PPP4R3B: variants seen among roughly 807,000 people sequenced by gnomAD.
The protein encoded by PPP4R3B is serine/threonine-protein phosphatase 4 regulatory subunit 3B.
In PPP4R3B, 52 loss-of-function variants were observed where a neutral mutation model predicts 95.4. The observed-to-expected ratio is 0.54, with a 90% CI of 0.44 to 0.69. The LOEUF (loss-of-function observed/expected upper bound fraction) is 0.69, where lower values mean the gene tolerates loss of function less well. Ranked by LOEUF, PPP4R3B falls within the 30% of genes least tolerant of loss-of-function variation. The probability of loss-of-function intolerance (pLI) is 0.00; values close to 1 mark genes in which losing one functional copy is unlikely to be tolerated. For synonymous variants in PPP4R3B, 407 were observed against 343.9 expected (o/e 1.18, Z -2.03); for missense variants, 1,003 against 1,005.9 (o/e 1.00, Z 0.04).
At chr2:55,593,928 A>G (rs1051825618) in intron 4 of PPP4R3B, among the ~76,000 whole-genome samples, 1 of 152,206 alleles carries the variant, frequency 6.6e-6, no homozygotes, top group Admixed American at 6.5e-5. Context: ...CTACCAACAG[A>G]TGATCAGACA....
At chr2:55,605,430 A>G (rs1158790529) in intron 2 of PPP4R3B, among the ~76,000 whole-genome samples, 2 of 152,214 alleles carry the variant, frequency 1.3e-5, no homozygotes, top group Non-Finnish European at 2.9e-5. Context: ...TTTTGGCTTT[A>G]AACAGTAAAT....
At chr2:55,602,309 G>A (rs1205038045) in intron 3 of PPP4R3B, among the ~76,000 whole-genome samples, 1 of 152,182 alleles carries the variant, frequency 6.6e-6, no homozygotes, top group Non-Finnish European at 1.5e-5. Flanking sequence ...GATCATTTTG[G>A]TGTAAGAGAG....
At chr2:55,591,541 C>T (rs1691027813) in intron 4 of PPP4R3B, 4 of 983,922 alleles carry the variant, frequency 4.1e-6, no homozygotes, top group South Asian at 9.4e-5. Flanking sequence ...TATTTTCCTG[C>T]ATCTGTTGTA....
chr2:55,589,969 T>A (rs1350814681), intron 4 of PPP4R3B, among the ~76,000 whole-genome samples: 2 of 143,336 alleles, frequency 1.4e-5, no homozygotes, highest in African/African-American at 5.1e-5. Context: ...ATATATATAT[T>A]TATATATATA....
intron 2 of PPP4R3B, among the ~76,000 whole-genome samples, chr2:55,605,628 C>G (rs887177583): frequency 1.5e-4 from 23 of 152,102 alleles, no homozygotes; most frequent in African/African-American, 5.3e-4. Context: ...TCAGTTCTGG[C>G]CAGGTGCGAA....
rs1304201663 is a variant in PPP4R3B at position 55,563,136 on chromosome 2, G to A, written c.2260+1177C>T. 6.8e-4 allele frequency among the ~76,000 whole-genome samples: 104 copies of A among 152,158 alleles called. 1 individual carries two copies. The highest frequency in any genetic ancestry group is 1.2e-4 in the Non-Finnish European group (8 of 68,022). On this transcript the variant is annotated intron_variant, in intron 15 of 16. Transcript: ENST00000616407. ...GTACCTGTAATGAGTAAAGGCAGAA[G>A]AATTTGTCTAGCAAAGGTACCGATT...
At chr2:55,607,560 G>A (rs1277427140) in intron 2 of PPP4R3B, among the ~76,000 whole-genome samples, 1 of 152,156 alleles carries the variant, frequency 6.6e-6, no homozygotes, top group Non-Finnish European at 1.5e-5. Flanking sequence ...GGGGTAAGAG[G>A]CTCAAAGGTT....
intron 4 of PPP4R3B, among the ~76,000 whole-genome samples, chr2:55,597,913 C>G (rs373776145): frequency 6.6e-6 from 1 of 151,986 alleles, no homozygotes. Flanking sequence ...AAAACACAGG[C>G]TACTTAAAAA....
chr2:55,615,544 G>A, intron 1 of PPP4R3B, 38 bp from the exon 2 acceptor site: 2 of 1,404,724 alleles, frequency 1.4e-6, no homozygotes, highest in Non-Finnish European at 9.8e-7. Context: ...AGTCTCAAAT[G>A]ATAAAACCCT....
chr2:55,589,598 T>G (rs940224987), intron 4 of PPP4R3B, among the ~76,000 whole-genome samples: 2 of 152,084 alleles, frequency 1.3e-5, no homozygotes, highest in African/African-American at 4.8e-5. Flanking sequence ...TCTACAGGCG[T>G]TGTCTAAAAG....
At position 55,549,965 on chromosome 2, in the gene PPP4R3B, CTCT is replaced by C. The variant is rs763228900; in HGVS notation, c.2493_2495del (p.Glu833del). On this transcript the variant is annotated inframe_deletion, in exon 17 of 17. Transcript: ENST00000616407. ...GGGACGATTCTTCTTCTTCATCTTC[CTCT>C]TCATCATCTGGATAATCCACTAAGC... is the stretch of plus-strand genomic sequence containing the variant. 1.2e-6 allele frequency: 2 copies of C among 1,613,354 alleles called. No homozygotes were observed. Among genetic ancestry groups the C allele is most frequent in the Non-Finnish European group, 8.5e-7 (1 of 1,179,802 alleles).
intron 15 of PPP4R3B, among the ~76,000 whole-genome samples, chr2:55,560,325 G>A (rs763351703): frequency 1.3e-5 from 2 of 152,202 alleles, no homozygotes; most frequent in Non-Finnish European, 2.9e-5. Flanking sequence ...AGATGGAGGT[G>A]AGGAACTTAT....
chr2:55,586,550 C>A (rs1690176360), intron 6 of PPP4R3B, 68 bp downstream of exon 6: 4 of 827,370 alleles, frequency 4.8e-6, no homozygotes. Context: ...TATATATTTT[C>A]CCATCCATAA....
chr2:55,616,130 C>T (rs1191907325), intron 1 of PPP4R3B, among the ~76,000 whole-genome samples: 1 of 151,932 alleles, frequency 6.6e-6, no homozygotes, highest in Non-Finnish European at 1.5e-5. Flanking sequence ...ATTTTAAGGT[C>T]TAAATGACCA....
intron 2 of PPP4R3B, 142 bp downstream of exon 2, chr2:55,615,309 T>C: frequency 1.5e-6 from 1 of 687,402 alleles, no homozygotes; most frequent in Non-Finnish European, 2.4e-6. Flanking sequence ...TCTGAAACTT[T>C]TAACCTGCAA....
chr2:55,613,756 A>G (rs1293590525), intron 2 of PPP4R3B, among the ~76,000 whole-genome samples: 1 of 151,978 alleles, frequency 6.6e-6, no homozygotes, highest in African/African-American at 2.4e-5. Flanking sequence ...ACTTAGTTAC[A>G]TTTAAGAACA....
intron 12 of PPP4R3B, among the ~76,000 whole-genome samples, chr2:55,568,905 T>C (rs920952075): frequency 2.4e-4 from 37 of 152,186 alleles, no homozygotes; most frequent in African/African-American, 8.4e-4. Context: ...AAAATACAGC[T>C]AAAGTGTGGG....
chr2:55,568,245 C>A lies in PPP4R3B; in HGVS notation c.1884G>T (p.Arg628=), dbSNP rs763093487. Residue 628 remains arginine, a synonymous_variant, in exon 13 of 17, where the codon CGG becomes CGT. Coordinates refer to ENST00000616407, the MANE Select transcript of PPP4R3B (RefSeq NM_001122964.3). ...VINALLDNGT[R]YNLLNSAVIE... ...TAACAGCTGAATTCAACAGATTATA[C>A]CGAGTTCCATTATCCAGAAGTGCAT... The A allele has an allele frequency of 8.7e-6, 14 of 1,604,258 alleles. No homozygotes were observed. Among genetic ancestry groups the A allele is most frequent in the Non-Finnish European group, 1.0e-5 (12 of 1,175,324 alleles).
intron 2 of PPP4R3B, among the ~76,000 whole-genome samples, chr2:55,611,214 C>T (rs7565426): frequency 3.6e-4 from 54 of 152,084 alleles, no homozygotes; most frequent in African/African-American, 9.6e-4. Context: ...GCAATGGCTA[C>T]GCACAGGCAC....
Sources: allele counts gnomAD v4.1 joint callset (sites outside exome capture counted in the v4.1 genomes callset), GRCh38; gene constraint gnomAD v4.1.1; transcripts MANE v1.5; gene names NCBI Gene and HGNC (gene_info 2026-07-23, HGNC 2026-07-21).